SYN3: variants seen among roughly 807,000 people sequenced by gnomAD.
SYN3 encodes the protein synapsin-3.
SYN3 carries 35 observed loss-of-function variants against 65.8 expected under a neutral mutation model. That is an observed-to-expected ratio of 0.53 (90% CI 0.41 to 0.70). SYN3 has a LOEUF of 0.70. Ranked by LOEUF, SYN3 falls within the 30% of genes least tolerant of loss-of-function variation. The probability of loss-of-function intolerance (pLI) is 0.00; values close to 1 mark genes in which losing one functional copy is unlikely to be tolerated. For synonymous variants in SYN3, 270 were observed against 292.9 expected (o/e 0.92, Z 0.80); for missense variants, 680 against 749.0 (o/e 0.91, Z 1.08).
At chr22:32,562,264 G>A (rs1569040270) in intron 7 of SYN3, among the ~76,000 whole-genome samples, 1 of 152,248 alleles carries the variant, frequency 6.6e-6, no homozygotes, top group Non-Finnish European at 1.5e-5. Flanking sequence ...CAGCCGACTG[G>A]AACCTTCCTC....
chr22:32,568,282 C>T (rs1323946879), intron 7 of SYN3, among the ~76,000 whole-genome samples: 1 of 152,174 alleles, frequency 6.6e-6, no homozygotes, highest in African/African-American at 2.4e-5. Context: ...CCTCCTCCAG[C>T]TCCTAGGAAT....
At chr22:32,899,101 A>AAAACAAAAC (rs1556003782) in intron 4 of SYN3, among the ~76,000 whole-genome samples, 1 of 147,560 alleles carries the variant, frequency 6.8e-6, no homozygotes, top group Middle Eastern at 3.4e-3. Flanking sequence ...ACTCTGTCTC[A>AAAACAAAAC]AAAACAAAAC....
chr22:32,595,997 A>C (rs181580003), intron 7 of SYN3, among the ~76,000 whole-genome samples: 15 of 152,302 alleles, frequency 9.8e-5, no homozygotes, highest in Admixed American at 2.6e-4. Flanking sequence ...TAATCACTTT[A>C]ACCTGGGAGG....
chr22:33,015,849 T>TC (rs979116439), intron 1 of SYN3, among the ~76,000 whole-genome samples: 11 of 150,520 alleles, frequency 7.3e-5, no homozygotes, highest in African/African-American at 2.4e-4. Flanking sequence ...TCTTTTCTTT[T>TC]TTTTTTTTTT....
chr22:32,668,431 T>G (rs2147050839), intron 6 of SYN3, among the ~76,000 whole-genome samples: 1 of 151,594 alleles, frequency 6.6e-6, no homozygotes, highest in East Asian at 1.9e-4. Flanking sequence ...ACATTGTTAT[T>G]AACTTTTCAG....
intron 6 of SYN3, among the ~76,000 whole-genome samples, chr22:32,623,905 G>A (rs1438490049): frequency 6.6e-6 from 1 of 152,136 alleles, no homozygotes; most frequent in Non-Finnish European, 1.5e-5. Context: ...GGGAATCGAG[G>A]ACACCAATGC....
intron 4 of SYN3, among the ~76,000 whole-genome samples, chr22:32,923,231 C>T (rs2050381127): frequency 6.6e-6 from 1 of 152,084 alleles, no homozygotes; most frequent in South Asian, 2.1e-4. Flanking sequence ...GCGTTGATGT[C>T]CAAGGGCAGG....
chr22:32,558,914 G>A (rs757877077), intron 7 of SYN3, among the ~76,000 whole-genome samples: 37 of 152,224 alleles, frequency 2.4e-4, no homozygotes, highest in Non-Finnish European at 4.7e-4. Context: ...GGGGAGGCTG[G>A]GGTGGGGCAC....
At chr22:32,688,022 G>C (rs1326074288) in intron 6 of SYN3, among the ~76,000 whole-genome samples, 3 of 152,130 alleles carry the variant, frequency 2.0e-5, no homozygotes, top group Admixed American at 2.0e-4. Context: ...TGAGACTCCA[G>C]GGGACCTCCA....
chr22:32,745,836 G>A (rs1193161294), intron 6 of SYN3, among the ~76,000 whole-genome samples: 1 of 152,176 alleles, frequency 6.6e-6, no homozygotes, highest in African/African-American at 2.4e-5. Context: ...CAGGAAGAGA[G>A]CGAGGAGGAC....
intron 6 of SYN3, among the ~76,000 whole-genome samples, chr22:32,781,587 C>G (rs1170266578): frequency 1.3e-5 from 2 of 151,970 alleles, no homozygotes; most frequent in Non-Finnish European, 2.9e-5. Flanking sequence ...GTGCTTGGCA[C>G]ATAGTAGGTG....
intron 3 of SYN3, among the ~76,000 whole-genome samples, chr22:32,945,322 G>C (rs1002105373): frequency 6.6e-6 from 1 of 152,168 alleles, no homozygotes; most frequent in African/African-American, 2.4e-5. Context: ...AAAACAGCAT[G>C]GTACTGGTAC....
At chr22:33,009,751 AACACACACACACACACACACACACAC>A (rs58156623) in intron 1 of SYN3, among the ~76,000 whole-genome samples, 2 of 141,206 alleles carry the variant, frequency 1.4e-5, no homozygotes, top group Non-Finnish European at 3.1e-5. Flanking sequence ...TACGTATCTA[AACACACACACACACACACACACACAC>A]ACACACACAC....
chr22:32,644,781 A>C lies in SYN3; in HGVS notation c.712-48045T>G, dbSNP rs1016885471. Among the ~76,000 whole-genome samples the C allele has an allele frequency of 8.6e-5, 13 of 152,030 alleles. No individual in the cohort carries two copies. The East Asian group carries it at 1.7e-3, about 20-fold the overall frequency. On this transcript the variant is annotated intron_variant, in intron 6 of 13. Transcript: ENST00000358763. ...CCTCTATCCCGTGGCCTCCTCCCTCATTCCTGGGGTGGCTGCCTGGGGCCT... is the reference window on the plus strand; with the variant it reads ...CCTCTATCCCGTGGCCTCCTCCCTCCTTCCTGGGGTGGCTGCCTGGGGCCT...
chr22:32,803,098 C>G (rs2046634216), intron 6 of SYN3, among the ~76,000 whole-genome samples: 1 of 152,112 alleles, frequency 6.6e-6, no homozygotes, highest in Non-Finnish European at 1.5e-5. Context: ...GGAAACATCT[C>G]TCTCCTCCTT....
At chr22:32,839,731 T>C (rs1438205626) in intron 6 of SYN3, among the ~76,000 whole-genome samples, 1 of 152,148 alleles carries the variant, frequency 6.6e-6, no homozygotes, top group Non-Finnish European at 1.5e-5. Flanking sequence ...ATTTTGTCAT[T>C]TCATTGTGTA....
chr22:32,753,115 G>T (rs1485929755), intron 6 of SYN3, among the ~76,000 whole-genome samples: 4 of 152,146 alleles, frequency 2.6e-5, no homozygotes, highest in African/African-American at 9.7e-5. Flanking sequence ...ATATATGGGG[G>T]TTCCATCAGC....
chr22:32,554,854 G>A (rs562395091), intron 7 of SYN3, among the ~76,000 whole-genome samples: 13 of 152,194 alleles, frequency 8.5e-5, no homozygotes, highest in African/African-American at 2.4e-4. Flanking sequence ...TCACTTATTC[G>A]CTGCATGGCC....
intron 2 of SYN3, among the ~76,000 whole-genome samples, chr22:33,002,956 C>T (rs973984666): frequency 6.6e-6 from 1 of 152,154 alleles, no homozygotes; most frequent in African/African-American, 2.4e-5. Context: ...TACCCCCATG[C>T]TGCTGCTCTT....
Sources: gnomAD v4.1 joint callset for allele counts (sites outside exome capture counted in the v4.1 genomes callset) on GRCh38, gnomAD v4.1.1 for gene constraint, MANE v1.5 for transcripts, NCBI Gene and HGNC (gene_info 2026-07-23, HGNC 2026-07-21) for gene names.